SZT2: variants seen among roughly 807,000 people sequenced by gnomAD.
SZT2 encodes KICSTOR complex protein SZT2.
SZT2 carries 216 observed loss-of-function variants against 404.2 expected under a neutral mutation model. The observed-to-expected ratio is 0.53, with a 90% confidence interval of 0.48 to 0.60. The LOEUF (loss-of-function observed/expected upper bound fraction) is 0.60, where lower values mean the gene tolerates loss of function less well. Among genes scored for constraint, SZT2 ranks in the 20% least tolerant of loss-of-function variants. SZT2 has a pLI of 0.00. For missense variants in SZT2, 3,857 were observed against 4,459.2 expected, an observed-to-expected ratio of 0.86 and a Z score of 3.85; for synonymous variants, 1,693 against 1,749.9, an observed-to-expected ratio of 0.97 and a Z score of 0.81.
At position 43,415,239 on chromosome 1, in the gene SZT2, G is replaced by T. The variant is rs766762561; in HGVS notation, c.630+26G>T. ...GTATGTAAGAGAGAAAGTGGGCAGA[G>T]GCAACTTAGAAAGAGGAGCAGCTAA... is the stretch of plus-strand genomic sequence containing the variant. On this transcript the variant is annotated intron_variant, in intron 5 of 71. Transcript: ENST00000634258. 3 of 1,595,952 alleles carry T rather than the reference G, an allele frequency of 1.9e-6. No homozygotes were observed. The African/African-American group carries it at 4.0e-5, about 21-fold the overall frequency.
chr1:43,438,732 T>A lies in SZT2; in HGVS notation c.6542T>A (p.Leu2181Gln). 1 of 1,614,138 alleles carries A rather than the reference T, an allele frequency of 6.2e-7. No homozygotes were observed. Among genetic ancestry groups the A allele is most frequent in the Non-Finnish European group, 8.5e-7 (1 of 1,180,002 alleles). The change falls in exon 47 of 72, where the codon CTA (leucine) becomes CAA (glutamine). Residue 2181 changes from leucine (L) to glutamine (Q), a missense_variant. This residue lies in a region of SZT2 where 261 missense variants were observed against 372.9 expected (regional missense o/e 0.70). Coordinates refer to ENST00000634258, the MANE Select transcript of SZT2 (RefSeq NM_001365999.1). ...ATCACGGATGAGCTCGTGCGAGTTC[T>A]ATGTCGGCGCCTGGATGAGGCCACG... is the stretch of plus-strand genomic sequence containing the variant. ...PEITDELVRV[L>Q]CRRLDEATLD...
chr1:43,403,323 A>G (rs748141282), intron 2 of SZT2, 21 bp downstream of exon 2: 1 of 1,609,214 alleles, frequency 6.2e-7, no homozygotes, highest in East Asian at 2.2e-5. Context: ...GACACACGAA[A>G]GGTGTGAGGG....
At position 43,425,161 on chromosome 1, in the gene SZT2, G is replaced by A. The variant is rs768015377; in HGVS notation, c.2599G>A (p.Val867Ile). ...AGCTGAAGAGAAGCACACCTGTGTTGTCCAGTACATCCTCTTCCCCCCACA... is the reference window on the plus strand; with the variant it reads ...AGCTGAAGAGAAGCACACCTGTGTTATCCAGTACATCCTCTTCCCCCCACA... Reference protein sequence around the residue: ...AAAEEKHTCVVQYILFPPHST... With the variant: ...AAAEEKHTCVIQYILFPPHST... The change falls in exon 18 of 72, where the codon GTC (valine) becomes ATC (isoleucine). Residue 867 changes from valine to isoleucine, a missense_variant. Val to Ile is a conservative substitution (Grantham distance 29). Transcript: ENST00000634258. The surrounding 1 kb of genome is among the most constrained non-coding windows in gnomAD (Gnocchi z 4.3). 26 of 1,614,038 alleles carry A rather than the reference G, an allele frequency of 1.6e-5. No individual in the cohort carries two copies. Among genetic ancestry groups the A allele is most frequent in the East Asian group, 6.7e-5 (3 of 44,878 alleles).
chr1:43,403,644 CT>C lies in SZT2; in HGVS notation c.198del (p.Trp68GlyfsTer62). The C allele has an allele frequency of 1.2e-6, 2 of 1,614,160 alleles. No homozygotes were observed. The highest frequency in any genetic ancestry group is 1.7e-6 in the Non-Finnish European group (2 of 1,180,026). Reference sequence around the variant, plus strand: ...TTGGAAGTCCTCAGTGTCCTGCCCCCTGGGTGGCAGCCAGATGAACCAGTGG... The same window carrying C: ...TTGGAAGTCCTCAGTGTCCTGCCCCCGGGTGGCAGCCAGATGAACCAGTGG... ...QELEVLSVLP[P>X]GWQPDEPVVP... On this transcript the variant is annotated frameshift_variant, in exon 3 of 72. Coordinates refer to ENST00000634258, the MANE Select transcript of SZT2 (RefSeq NM_001365999.1). LOFTEE classifies it high-confidence loss of function.
rs1210472217 is a variant in SZT2, at chr1:43,427,182, G to A, written c.3433+3G>A. ...TTTTCTCCCAGCTACCTTCTCAGGT[G>A]CCAGCTGCTGACCTCCTCACGAACC... On this transcript the variant is annotated splice_donor_region_variant and intron_variant, in intron 24 of 71. Coordinates refer to ENST00000634258, the MANE Select transcript of SZT2 (RefSeq NM_001365999.1). The A allele has an allele frequency of 6.2e-7, 1 of 1,614,140 alleles. No individual in the cohort carries two copies. Among genetic ancestry groups the A allele is most frequent in the South Asian group, 1.1e-5 (1 of 91,074 alleles).
At chr1:43,400,989 A>G (rs565467311) in intron 1 of SZT2, among the ~76,000 whole-genome samples, 3 of 152,084 alleles carry the variant, frequency 2.0e-5, no homozygotes, top group Non-Finnish European at 4.4e-5. Context: ...TGGTGCCATC[A>G]TGGCTCACTA....
chr1:43,408,657 G>T (rs915486231), intron 4 of SZT2, among the ~76,000 whole-genome samples: 1 of 152,106 alleles, frequency 6.6e-6, no homozygotes, highest in African/African-American at 2.4e-5. Context: ...TTAATGTCCT[G>T]TTAACTTACT....
Position 43,426,285 on chromosome 1 carries a change from G to C in SZT2, c.3044-83G>C. On this transcript the variant is annotated intron_variant, in intron 21 of 71. Transcript: ENST00000634258. The surrounding 1 kb of genome is among the most constrained non-coding windows in gnomAD (Gnocchi z 4.9). ...GGCAGGAGGAGCCCATGAGGCTGAA[G>C]GAGGGGCCAGCTGGTCAGGGCTGAG... 6.7e-7 allele frequency: 1 copy of C among 1,499,176 alleles called. No individual in the cohort carries two copies. Among genetic ancestry groups the C allele is most frequent in the Non-Finnish European group, 8.9e-7 (1 of 1,121,094 alleles). 92.9% of individuals were successfully genotyped at this position (1,499,176 alleles called of 1,614,324 possible).
rs1557582446 is a variant in SZT2 at position 43,437,605 on chromosome 1, A to T, written c.6301A>T (p.Thr2101Ser). 5 of 1,613,864 alleles carry T rather than the reference A, an allele frequency of 3.1e-6. No individual in the cohort carries two copies. The South Asian group carries it at 5.5e-5, about 18-fold the overall frequency. ...KAVYYLRLLE[T>S]SCSDRPWKGD... ...GCTGCTCTTTCCCAGGCTCCTAGAG[A>T]CATCCTGCAGTGACCGGCCATGGAA... The change falls in exon 45 of 72, where the codon ACA (threonine) becomes TCA (serine). Residue 2101 changes from threonine to serine, a missense_variant. Thr to Ser is a moderately conservative substitution (Grantham distance 58, BLOSUM62 1). This residue lies in a region of SZT2 where 261 missense variants were observed against 372.9 expected (regional missense o/e 0.70). Transcript: ENST00000634258. The surrounding 1 kb of genome is among the most constrained non-coding windows in gnomAD (Gnocchi z 5.3).
intron 33 of SZT2, 82 bp from the exon 34 acceptor site, chr1:43,431,183 T>A: frequency 6.4e-7 from 1 of 1,567,272 alleles, no homozygotes; most frequent in Non-Finnish European, 8.6e-7. Context: ...AAGGAGACCT[T>A]GAGGAGTCCA....
In SZT2 at chr1:43,434,433, T is replaced by C; in HGVS notation, c.5852T>C (p.Leu1951Pro). 6.3e-7 allele frequency: 1 copy of C among 1,599,398 alleles called. No homozygotes were observed. Among genetic ancestry groups the C allele is most frequent in the African/African-American group, 1.3e-5 (1 of 74,994 alleles). The change falls in exon 41 of 72, where the codon CTG (leucine) becomes CCG (proline). Residue 1951 changes from leucine (L) to proline (P), a missense_variant. Leu to Pro is a moderately conservative substitution (Grantham distance 98, BLOSUM62 -3). This residue lies in a region of SZT2 where 1,725 missense variants were observed against 1,881.0 expected (regional missense o/e 0.92). Transcript: ENST00000634258. ...DGGPGTECRH[L>P]QQLLVRRVGE... ...GGGCCGGGCACTGAGTGTCGCCACC[T>C]GCAGCAGCTCCTGGTGAGGCGAGTT...
Position 43,426,826 on chromosome 1 carries a change from C to T in SZT2, c.3309+17C>T, listed in dbSNP as rs750003539. ...ACTTCCCTGGTCAGCACCGATTCTT[C>T]TCCCTGAGCCCTTGTCACACTGACC... On this transcript the variant is annotated intron_variant, in intron 23 of 71. Coordinates refer to ENST00000634258, the MANE Select transcript of SZT2 (RefSeq NM_001365999.1). The surrounding 1 kb of genome is among the most constrained non-coding windows in gnomAD (Gnocchi z 4.9). The T allele has an allele frequency of 6.8e-6, 11 of 1,610,864 alleles. No individual in the cohort carries two copies. The African/African-American group carries it at 1.5e-4, about 22-fold the overall frequency.
At position 43,427,675 on chromosome 1, in the gene SZT2, G is replaced by T; in HGVS notation, c.3744G>T (p.Ala1248=). The stretch of plus-strand genomic sequence containing the variant: ...ACATCTACAGCTGTTCACTGGAAGC[G>T]CTGAGGGAACAAATGGTTGGCATGC... The part of the protein sequence containing the change: ...PVYIYSCSLE[A]LREQMVGMQP... Residue 1248 remains alanine, a synonymous_variant, in exon 26 of 72, where the codon GCG becomes GCT. Transcript: ENST00000634258. 5.6e-6 allele frequency: 9 copies of T among 1,614,106 alleles called. No individual in the cohort carries two copies. The highest frequency in any genetic ancestry group is 7.6e-6 in the Non-Finnish European group (9 of 1,180,022).
Position 43,420,068 on chromosome 1 carries a change from C to A in SZT2, c.1091-85C>A. 6.4e-7 allele frequency: 1 copy of A among 1,567,314 alleles called. No individual in the cohort carries two copies. The highest frequency in any genetic ancestry group is 1.2e-5 in the South Asian group (1 of 86,622). ...TCTGCTGGCACTGTTACCTCACAGT[C>A]ATTTCAGCATAGCCCCTTCCCCCTA... is the stretch of plus-strand genomic sequence containing the variant. On this transcript the variant is annotated intron_variant, in intron 8 of 71. Coordinates refer to ENST00000634258, the MANE Select transcript of SZT2 (RefSeq NM_001365999.1). The surrounding 1 kb of genome is among the most constrained non-coding windows in gnomAD (Gnocchi z 5.1).
At chr1:43,413,838 T>C (rs1651374261) in intron 4 of SZT2, among the ~76,000 whole-genome samples, 1 of 152,142 alleles carries the variant, frequency 6.6e-6, no homozygotes, top group Non-Finnish European at 1.5e-5. Context: ...GGGAGATGGT[T>C]AATGGGTACA....
chr1:43,450,911 G>A lies in SZT2; in HGVS notation c.*431G>A, dbSNP rs1258840713. 1 of 745,918 alleles carries A rather than the reference G, an allele frequency of 1.3e-6. No homozygotes were observed. Among genetic ancestry groups the A allele is most frequent in the South Asian group, 1.4e-5 (1 of 73,610 alleles). 46.2% of individuals were successfully genotyped at this position (745,918 alleles called of 1,614,324 possible). On this transcript the variant is annotated 3_prime_UTR_variant, in exon 72 of 72. Coordinates refer to ENST00000634258, the MANE Select transcript of SZT2 (RefSeq NM_001365999.1). This position sits in a 1 kb window ranked among gnomAD's most constrained non-coding sequence, Gnocchi z 4.3. ...CACTTCCCACTTGGACATCACTGCT[G>A]GACATTCCCATCGAGATGACACCTG...
At chr1:43,407,850 T>TTA (rs1650511280) in intron 4 of SZT2, among the ~76,000 whole-genome samples, 1 of 126,158 alleles carries the variant, frequency 7.9e-6, no homozygotes, top group East Asian at 2.0e-4. Context: ...TTTTTTTTTT[T>TTA]GAGACAGAAT....
At chr1:43,446,578 C>T in intron 65 of SZT2, 162 bp downstream of exon 65, 1 of 811,370 alleles carries the variant, frequency 1.2e-6, no homozygotes, top group Non-Finnish European at 2.0e-6. Flanking sequence ...ATTCTGGTGC[C>T]ATGACTGCAC....
At chr1:43,429,588 T>C in intron 28 of SZT2, 115 bp from the exon 29 acceptor site, 1 of 1,339,888 alleles carries the variant, frequency 7.5e-7, no homozygotes, top group Non-Finnish European at 1.1e-6. Flanking sequence ...GCCATTACGC[T>C]AAGTACTCTT....
Sources: gnomAD v4.1 joint callset for allele counts (sites outside exome capture counted in the v4.1 genomes callset) on GRCh38, gnomAD v4.1.1 for gene constraint, gnomAD v4.1.1 regional missense constraint, Gnocchi (gnomAD v3.1) non-coding constraint, MANE v1.5 for transcripts, NCBI Gene and HGNC (gene_info 2026-07-23, HGNC 2026-07-21) for gene names.